The following AEBP2 variants were observed in gnomAD, a reference collection of about 807,000 sequenced individuals.
AEBP2 encodes the protein AE binding protein 2, also known as zinc finger protein AEBP2.
In AEBP2, 10 loss-of-function variants were observed where a neutral mutation model predicts 50.8. The ratio of observed to expected loss-of-function variants is 0.20; its 90% CI spans 0.12 to 0.33. The LOEUF (loss-of-function observed/expected upper bound fraction) is 0.33, where lower values mean the gene tolerates loss of function less well. Ranked by LOEUF, AEBP2 falls within the 10% of genes least tolerant of loss-of-function variation. The pLI is 1.00. For missense variants in AEBP2, 570 were observed against 688.0 expected (o/e 0.83, Z 1.92); for synonymous variants, 296 against 261.3 (o/e 1.13, Z -1.28).
intron 3 of AEBP2, among the ~76,000 whole-genome samples, chr12:19,486,644 A>G (rs1948814387): frequency 1.3e-5 from 2 of 151,982 alleles, no homozygotes; most frequent in African/African-American, 4.8e-5. Flanking sequence ...TGACCTCCCA[A>G]AATGCTGGCA....
At chr12:19,473,128 TG>T in intron 2 of AEBP2, 119 bp from the exon 3 acceptor site, 1 of 387,884 alleles carries the variant, frequency 2.6e-6, no homozygotes, top group Non-Finnish European at 4.4e-6. Context: ...TTGATTGGCT[TG>T]TACATTCAGT....
At position 19,480,432 on chromosome 12, in the gene AEBP2, A is replaced by ATTTT. The variant is rs549515491; in HGVS notation, c.987+7077_987+7078insTTTT. Among the ~76,000 whole-genome samples, 17 of 152,228 alleles carry ATTTT rather than the reference A, an allele frequency of 1.1e-4. No homozygotes were observed. In the East Asian group the frequency reaches 3.3e-3, roughly 29 times the overall value. On this transcript the variant is annotated intron_variant, in intron 3 of 7. Coordinates refer to ENST00000266508, the MANE Select transcript of AEBP2 (RefSeq NM_153207.5). ...GGAGGTTCTATTTTGGTGTGTTTCG[A>ATTTT]GGTTTTATTTCAAGATTTAGAACTT...
At chr12:19,491,700 A>G (rs910641674) in intron 3 of AEBP2, among the ~76,000 whole-genome samples, 1 of 151,532 alleles carries the variant, frequency 6.6e-6, no homozygotes, top group East Asian at 1.9e-4. Context: ...TGGATACCAT[A>G]TAAGAAGAAT....
intron 1 of AEBP2, among the ~76,000 whole-genome samples, chr12:19,405,020 T>A (rs961184853): frequency 6.8e-6 from 1 of 146,584 alleles, no homozygotes; most frequent in Non-Finnish European, 1.5e-5. Context: ...CTGCAACCTC[T>A]GCCTCCAGGG....
chr12:19,411,505 G>A (rs1377946379), intron 1 of AEBP2, among the ~76,000 whole-genome samples: 2 of 152,090 alleles, frequency 1.3e-5, no homozygotes, highest in Non-Finnish European at 2.9e-5. Flanking sequence ...GGACATTTTG[G>A]CCAGGGCCTT....
intron 5 of AEBP2, among the ~76,000 whole-genome samples, chr12:19,501,331 CAAAAA>C (rs568690588): frequency 1.2e-5 from 1 of 82,194 alleles, no homozygotes. Flanking sequence ...AACTCCATCT[CAAAAA>C]AAAAAAAAAA....
chr12:19,509,949 C>T (rs1949210482), intron 5 of AEBP2, among the ~76,000 whole-genome samples: 1 of 149,694 alleles, frequency 6.7e-6, no homozygotes, highest in Admixed American at 6.8e-5. Context: ...TCTCCTGCCT[C>T]AGCCTCCTGA....
chr12:19,462,865 C>A, intron 2 of AEBP2, 148 bp downstream of exon 2: 1 of 724,560 alleles, frequency 1.4e-6, no homozygotes, highest in Non-Finnish European at 2.2e-6. Flanking sequence ...TAATTATTTC[C>A]CATATACTTG....
At position 19,519,979 on chromosome 12, in the gene AEBP2, G is replaced by T. The variant is rs921440529; in HGVS notation, c.*1862G>T. The T allele has an allele frequency of 6.6e-6, 1 of 152,330 alleles. No individual in the cohort carries two copies. The highest frequency in any genetic ancestry group is 2.4e-5 in the African/African-American group (1 of 41,400). 9.4% of individuals were successfully genotyped at this position (152,330 alleles called of 1,614,324 possible). On this transcript the variant is annotated 3_prime_UTR_variant, in exon 8 of 8. Transcript: ENST00000266508. ...GAAAAGCAGTGTGTTTTCTTTTTTTGTTGTTTTCTTTTGCTTAAGCACTTC... is the reference window on the plus strand; with the variant it reads ...GAAAAGCAGTGTGTTTTCTTTTTTTTTTGTTTTCTTTTGCTTAAGCACTTC...
At chr12:19,409,844 T>C (rs1456385929) in intron 1 of AEBP2, among the ~76,000 whole-genome samples, 1 of 152,190 alleles carries the variant, frequency 6.6e-6, no homozygotes, top group Non-Finnish European at 1.5e-5. Context: ...ATTTAGGCTT[T>C]GTACTTAATT....
At position 19,439,755 on chromosome 12, in the gene AEBP2, C is replaced by G. The variant is rs951255564; in HGVS notation, c.56C>G (p.Pro19Arg). 6.6e-7 allele frequency: 1 copy of G among 1,517,364 alleles called. No individual in the cohort carries two copies. The highest frequency in any genetic ancestry group is 1.2e-5 in the South Asian group (1 of 83,268). The allele number at this position is 1,517,364 out of a possible 1,614,324, so 94.0% of individuals were successfully genotyped here. A position where few individuals can be genotyped will look rare whatever the true frequency, so the allele number is the denominator to read the frequency against. ...CTGGAGGAGCTCTCCCGCCTGAGCC[C>G]TCTGCCCCCCGGCAGCCCGGGTTCG... ...ADLEELSRLS[P>R]LPPGSPGSAA... The change falls in exon 1 of 8, where the codon CCT (proline) becomes CGT (arginine). Residue 19 changes from proline to arginine, a missense_variant. By Grantham distance (103) the Pro-to-Arg change is moderately radical. Around this residue, in one of 2 missense-constraint regions of AEBP2, gnomAD observed 386 missense variants for 336.8 expected, o/e 1.15. Transcript: ENST00000266508.
At chr12:19,466,586 A>G (rs1252850656) in intron 2 of AEBP2, among the ~76,000 whole-genome samples, 1 of 152,230 alleles carries the variant, frequency 6.6e-6, no homozygotes, top group African/African-American at 2.4e-5. Context: ...TATACCCATT[A>G]AACAAACTTA....
chr12:19,513,606 A>G (rs750497641), intron 6 of AEBP2, among the ~76,000 whole-genome samples: 34 of 152,106 alleles, frequency 2.2e-4, no homozygotes, highest in Non-Finnish European at 4.6e-4. Context: ...AGGAAAACAA[A>G]AAAAGAAATT....
chr12:19,452,961 C>CTTTTTT (rs34876719), intron 1 of AEBP2, among the ~76,000 whole-genome samples: 75 of 106,902 alleles, frequency 7.0e-4, no homozygotes, highest in Middle Eastern at 7.6e-3. Context: ...GACTTACGTT[C>CTTTTTT]TTTTTTTTTT....
intron 1 of AEBP2, among the ~76,000 whole-genome samples, chr12:19,415,468 T>A (rs2095742022): frequency 6.7e-6 from 1 of 149,606 alleles, no homozygotes; most frequent in African/African-American, 2.5e-5. Flanking sequence ...AGTATCTTGA[T>A]CATAGCAACA....
chr12:19,440,233 C>A lies in AEBP2; in HGVS notation c.534C>A (p.Ser178Arg). The change falls in exon 1 of 8, where the codon AGC becomes AGA. Residue 178 changes from serine (S) to arginine (R), a missense_variant. Coordinates refer to ENST00000266508, the MANE Select transcript of AEBP2 (RefSeq NM_153207.5). ...QGGGGGGSSS[S>R]SVVSSGGDEG... ...GCGGCGGGGGCGGCAGCAGTAGCAG[C>A]AGCGTAGTCTCCAGCGGCGGCGACG... 6.8e-7 allele frequency: 1 copy of A among 1,474,988 alleles called. No homozygotes were observed. The highest frequency in any genetic ancestry group is 8.9e-7 in the Non-Finnish European group (1 of 1,126,226). 91.4% of individuals were successfully genotyped at this position (1,474,988 alleles called of 1,614,324 possible). A position where few individuals can be genotyped will look rare whatever the true frequency, so the allele number is the denominator to read the frequency against.
rs921440529 is a variant in AEBP2, at chr12:19,519,979, G to A, written c.*1862G>A. 6.6e-6 allele frequency: 1 copy of A among 152,330 alleles called. No homozygotes were observed. 9.4% of individuals were successfully genotyped at this position (152,330 alleles called of 1,614,324 possible). ...GAAAAGCAGTGTGTTTTCTTTTTTT[G>A]TTGTTTTCTTTTGCTTAAGCACTTC... On this transcript the variant is annotated 3_prime_UTR_variant, in exon 8 of 8. Transcript: ENST00000266508.
chr12:19,446,782 C>A (rs1948077035), intron 1 of AEBP2, among the ~76,000 whole-genome samples: 1 of 150,112 alleles, frequency 6.7e-6, no homozygotes, highest in Non-Finnish European at 1.5e-5. Context: ...AAAAAATTAG[C>A]CAGATGTGGT....
At chr12:19,436,597 T>TTGG (rs199754436), upstream of AEBP2, among the ~76,000 whole-genome samples, 1 of 146,136 alleles carries the variant, frequency 6.8e-6, no homozygotes. Context: ...CTTTTTTTTT[T>TTGG]GGGGGGGGGA....
Sources: allele counts gnomAD v4.1 joint callset (sites outside exome capture counted in the v4.1 genomes callset), GRCh38; gene constraint gnomAD v4.1.1; regional missense constraint gnomAD v4.1.1; transcripts MANE v1.5; gene names NCBI Gene and HGNC (gene_info 2026-07-23, HGNC 2026-07-21).